CHRNA9: variants seen among roughly 807,000 people sequenced by gnomAD.
CHRNA9 encodes neuronal acetylcholine receptor subunit alpha-9.
CHRNA9 carries 24 observed loss-of-function variants against 36.8 expected under a neutral mutation model. That is an observed-to-expected ratio of 0.65 (90% CI 0.47 to 0.92). The LOEUF (loss-of-function observed/expected upper bound fraction) is 0.92. CHRNA9 is among the 40% of genes least tolerant of loss of function. The probability of loss-of-function intolerance (pLI) is 0.00; values close to 1 mark genes in which losing one functional copy is unlikely to be tolerated. For missense variants in CHRNA9, 610 were observed against 601.2 expected, an observed-to-expected ratio of 1.01 and a Z score of -0.15; for synonymous variants, 231 against 231.8, an observed-to-expected ratio of 1.00 and a Z score of 0.03.
intron 3 of CHRNA9, among the ~76,000 whole-genome samples, chr4:40,343,701 T>G (rs933465132): frequency 2.6e-5 from 4 of 152,236 alleles, no homozygotes; most frequent in African/African-American, 9.6e-5. Context: ...CTTCCCAACC[T>G]CCGGCTTACA....
At chr4:40,342,774 G>A (rs1373290737) in intron 3 of CHRNA9, among the ~76,000 whole-genome samples, 1 of 152,090 alleles carries the variant, frequency 6.6e-6, no homozygotes, top group Non-Finnish European at 1.5e-5. Flanking sequence ...GAAGGGCCAG[G>A]GAGAAAAGGA....
At chr4:40,340,729 G>GAAT (rs1712475011) in intron 3 of CHRNA9, among the ~76,000 whole-genome samples, 1 of 152,084 alleles carries the variant, frequency 6.6e-6, no homozygotes, top group Admixed American at 6.6e-5. Context: ...AGTCACCATT[G>GAAT]GTGCCCAAAT....
chr4:40,348,038 G>C (rs1031535451), intron 3 of CHRNA9: 1 of 152,238 alleles, frequency 6.6e-6, no homozygotes, highest in Non-Finnish European at 1.5e-5. Flanking sequence ...AACCAAGGCT[G>C]CTCTAGTGTT....
Position 40,335,919 on chromosome 4 carries a change from G to A in CHRNA9, c.157G>A (p.Asp53Asn). Residue 53 changes from aspartate to asparagine, a missense_variant, in exon 2 of 5, where the codon GAT (aspartate) becomes AAT (asparagine). Coordinates refer to ENST00000310169, the MANE Select transcript of CHRNA9 (RefSeq NM_017581.4). ...TGCTCTTCGTCCAGTGGAAGATACA[G>A]ATAAAGTCCTGAATGTGACCCTGCA... ...SNALRPVEDT[D>N]KVLNVTLQIT... 1 of 1,612,982 alleles carries A rather than the reference G, an allele frequency of 6.2e-7. No homozygotes were observed. Among genetic ancestry groups the A allele is most frequent in the Non-Finnish European group, 8.5e-7 (1 of 1,178,896 alleles).
chr4:40,344,144 C>G (rs573596296), intron 3 of CHRNA9, among the ~76,000 whole-genome samples: 3 of 152,288 alleles, frequency 2.0e-5, no homozygotes, highest in African/African-American at 7.2e-5. Context: ...ACAGATCTTC[C>G]CCTGGAGTCT....
intron 3 of CHRNA9, among the ~76,000 whole-genome samples, chr4:40,348,360 T>C (rs1712695804): frequency 6.6e-6 from 1 of 152,242 alleles, no homozygotes; most frequent in African/African-American, 2.4e-5. Context: ...AAGATATATC[T>C]GGAATAAGTG....
chr4:40,343,027 A>C (rs1326339560), intron 3 of CHRNA9, among the ~76,000 whole-genome samples: 1 of 152,190 alleles, frequency 6.6e-6, no homozygotes, highest in Non-Finnish European at 1.5e-5. Flanking sequence ...GGACTGAGTA[A>C]ACAGACAAGT....
Position 40,354,166 on chromosome 4 carries a change from C to G in CHRNA9, c.1086C>G (p.His362Gln). Residue 362 changes from histidine (H) to glutamine (Q), a missense_variant, in exon 5 of 5, where the codon CAC becomes CAG. Transcript: ENST00000310169. ...TGGGTGAAAGCTGCCTCAGCCCGCACCACAGTAGAGAGCGGGACCACCTCA... is the reference window on the plus strand; with the variant it reads ...TGGGTGAAAGCTGCCTCAGCCCGCAGCACAGTAGAGAGCGGGACCACCTCA... ...YDVGESCLSP[H>Q]HSRERDHLTK... 6.2e-7 allele frequency: 1 copy of G among 1,614,122 alleles called. No homozygotes were observed. Among genetic ancestry groups the G allele is most frequent in the Non-Finnish European group, 8.5e-7 (1 of 1,179,996 alleles).
At position 40,337,162 on chromosome 4, in the gene CHRNA9, C is replaced by T. The variant is rs112093951; in HGVS notation, c.211-48C>T. The T allele has an allele frequency of 1.5e-5, 23 of 1,583,638 alleles. No homozygotes were observed. The African/African-American group carries it at 1.6e-4, about 11-fold the overall frequency. ...GAACAAGTGTCCTATCAGTGGAAAA[C>T]ATTTCAAGTGTCTGCTAGGTAAAGC... On this transcript the variant is annotated intron_variant, in intron 2 of 4. Coordinates refer to ENST00000310169, the MANE Select transcript of CHRNA9 (RefSeq NM_017581.4).
chr4:40,344,016 G>C (rs979638617), intron 3 of CHRNA9, among the ~76,000 whole-genome samples: 3 of 152,182 alleles, frequency 2.0e-5, no homozygotes, highest in Admixed American at 2.0e-4. Flanking sequence ...CCTTGTAAGA[G>C]GGAGATGAGA....
In CHRNA9 at chr4:40,337,348, A is replaced by G. The variant is rs755586295; in HGVS notation, c.349A>G (p.Ile117Val). The change falls in exon 3 of 5, where the codon ATC becomes GTC. Residue 117 changes from isoleucine to valine, a missense_variant. Ile to Val is a conservative substitution (Grantham distance 29). Coordinates refer to ENST00000310169, the MANE Select transcript of CHRNA9 (RefSeq NM_017581.4). ...IPSDLVWRPD[I>V]VLYNKADDES... ...CAGTGACCTCGTGTGGAGGCCAGAC[A>G]TCGTCTTATATAACAAGTAAGTGCA... 1.9e-6 allele frequency: 3 copies of G among 1,614,062 alleles called. No individual in the cohort carries two copies. The highest frequency in any genetic ancestry group is 1.7e-5 in the Admixed American group (1 of 60,012).
chr4:40,353,548 G>A (rs1303316011), intron 4 of CHRNA9, among the ~76,000 whole-genome samples: 4 of 151,504 alleles, frequency 2.6e-5, no homozygotes, highest in Admixed American at 6.6e-5. Context: ...TCCTTAGAAA[G>A]GGTGTTTGTT....
intron 3 of CHRNA9, among the ~76,000 whole-genome samples, chr4:40,343,331 G>A (rs1712553064): frequency 6.6e-6 from 1 of 152,198 alleles, no homozygotes; most frequent in Non-Finnish European, 1.5e-5. Flanking sequence ...CAGTTCACAT[G>A]GCTGGGGAGG....
intron 3 of CHRNA9, chr4:40,348,289 T>C (rs1202713213): frequency 6.6e-6 from 1 of 152,408 alleles, no homozygotes; most frequent in Non-Finnish European, 1.5e-5. Context: ...AGTAATTCCC[T>C]AGAGAAAAAT....
chr4:40,336,232 T>C (rs139356496), intron 2 of CHRNA9, among the ~76,000 whole-genome samples: 13 of 152,288 alleles, frequency 8.5e-5, no homozygotes, highest in African/African-American at 2.4e-4. Context: ...TATGCAGCCA[T>C]TTATATAAAA....
At chr4:40,338,376 G>C (rs373314781) in intron 3 of CHRNA9, 1 of 152,188 alleles carries the variant, frequency 6.6e-6, no homozygotes, top group Non-Finnish European at 1.5e-5. Flanking sequence ...CGGAAGACGT[G>C]GGCACTGTGG....
intron 2 of CHRNA9, among the ~76,000 whole-genome samples, chr4:40,336,408 G>T (rs1307633803): frequency 1.3e-5 from 2 of 152,158 alleles, no homozygotes; most frequent in East Asian, 3.8e-4. Flanking sequence ...GCACAACGTT[G>T]TGAATATATT....
intron 4 of CHRNA9, among the ~76,000 whole-genome samples, chr4:40,353,698 C>T (rs1712865300): frequency 6.6e-6 from 1 of 151,058 alleles, no homozygotes; most frequent in Non-Finnish European, 1.5e-5. Context: ...CAAATATTGA[C>T]CGTTTGATAA....
At position 40,354,397 on chromosome 4, in the gene CHRNA9, G is replaced by T. The variant is rs181978594; in HGVS notation, c.1317G>T (p.Lys439Asn). Reference sequence around the variant, plus strand: ...TCGCCAAGTGCCTCAAAGACCACAAGGCCACCAATTCCAAGGGGAGTGAAT... The same window carrying T: ...TCGCCAAGTGCCTCAAAGACCACAATGCCACCAATTCCAAGGGGAGTGAAT... ...EYIAKCLKDH[K>N]ATNSKGSEWK... Residue 439 changes from lysine (K) to asparagine (N), a missense_variant, in exon 5 of 5, where the codon AAG becomes AAT. Physicochemically the swap from Lys to Asn is moderately conservative, Grantham distance 94 (BLOSUM62 0). Transcript: ENST00000310169. 2 of 1,614,082 alleles carry T rather than the reference G, an allele frequency of 1.2e-6. No individual in the cohort carries two copies. The highest frequency in any genetic ancestry group is 2.7e-5 in the African/African-American group (2 of 75,018).
Sources: allele counts gnomAD v4.1 joint callset (sites outside exome capture counted in the v4.1 genomes callset), GRCh38; gene constraint gnomAD v4.1.1; transcripts MANE v1.5; gene names NCBI Gene and HGNC (gene_info 2026-07-23, HGNC 2026-07-21).